The following MON2 variants were observed in gnomAD, a reference collection of about 807,000 sequenced individuals.
MON2 encodes protein MON2 homolog.
A neutral mutation model predicts 208.6 loss-of-function variants in MON2; 84 were observed. That is an observed-to-expected ratio of 0.40 (90% CI 0.34 to 0.48). The LOEUF (loss-of-function observed/expected upper bound fraction) is 0.48. MON2 is among the 20% of genes least tolerant of loss of function. The pLI is 0.59. For synonymous variants in MON2, 660 were observed against 694.0 expected (o/e 0.95, Z 0.77); for missense variants, 1,611 against 2,015.4 (o/e 0.80, Z 3.84).
chr12:62,506,809 A>T (rs2071125210), intron 7 of MON2, among the ~76,000 whole-genome samples: 1 of 151,922 alleles, frequency 6.6e-6, no homozygotes, highest in African/African-American at 2.4e-5. Context: ...TCTCTGTAAG[A>T]TGAAAGGATT....
At chr12:62,570,904 G>T (rs1305569109) in intron 29 of MON2, among the ~76,000 whole-genome samples, 1 of 151,272 alleles carries the variant, frequency 6.6e-6, no homozygotes. Context: ...GCTCATTTTT[G>T]TATTTTTAGT....
chr12:62,504,695 C>A (rs1358899433), intron 7 of MON2, among the ~76,000 whole-genome samples: 3 of 151,792 alleles, frequency 2.0e-5, no homozygotes, highest in Non-Finnish European at 4.4e-5. Context: ...TTTTTTAACT[C>A]ATCATTCACA....
Position 62,530,917 on chromosome 12 carries a change from C to G in MON2, c.1401-1521C>G, listed in dbSNP as rs146914509. On this transcript the variant is annotated intron_variant, in intron 11 of 34. Coordinates refer to ENST00000393630, the MANE Select transcript of MON2 (RefSeq NM_015026.3). ...AGCAATGCTTGTTAATCTTTTTTATCGTAGTCATCCCAGTGAGTATGAAAT... is the reference window on the plus strand; with the variant it reads ...AGCAATGCTTGTTAATCTTTTTTATGGTAGTCATCCCAGTGAGTATGAAAT... Among the ~76,000 whole-genome samples the G allele has an allele frequency of 4.4e-3, 668 of 152,256 alleles. 4 individuals are homozygous for G. Among genetic ancestry groups the G allele is most frequent in the African/African-American group, 0.012 (496 of 41,552 alleles).
chr12:62,500,181 T>C (rs1324648362), intron 5 of MON2, among the ~76,000 whole-genome samples: 2 of 152,198 alleles, frequency 1.3e-5, no homozygotes, highest in African/African-American at 4.8e-5. Flanking sequence ...TATAGTAAGG[T>C]AGAAATACTT....
At chr12:62,535,816 G>A (rs1325140480) in intron 14 of MON2, 107 bp downstream of exon 14, 4 of 594,266 alleles carry the variant, frequency 6.7e-6, no homozygotes, top group African/African-American at 2.2e-5. Context: ...CATACTGACT[G>A]TGTGACCTTG....
chr12:62,580,114 G>A (rs1455595365), intron 31 of MON2, among the ~76,000 whole-genome samples, 183 bp from the exon 32 acceptor site: 1 of 152,060 alleles, frequency 6.6e-6, no homozygotes, highest in African/African-American at 2.4e-5. Flanking sequence ...AAGTTACTAG[G>A]ACAGATGAGA....
At chr12:62,540,545 G>A (rs1393284072) in intron 19 of MON2, among the ~76,000 whole-genome samples, 1 of 152,134 alleles carries the variant, frequency 6.6e-6, no homozygotes, top group Admixed American at 6.5e-5. Context: ...AAAAATAGGA[G>A]ATTTGATGAT....
At chr12:62,570,728 T>TC in intron 29 of MON2, among the ~76,000 whole-genome samples, 1 of 127,628 alleles carries the variant, frequency 7.8e-6, no homozygotes, top group Admixed American at 7.6e-5. Flanking sequence ...TTTTCTTTTT[T>TC]TTTTTTTTTT....
chr12:62,514,197 C>G (rs774170178), intron 8 of MON2, among the ~76,000 whole-genome samples: 16 of 152,190 alleles, frequency 1.1e-4, no homozygotes, highest in Non-Finnish European at 2.1e-4. Flanking sequence ...CCATTCAAGT[C>G]TCTAGGAAGT....
chr12:62,544,349 A>C (rs1008325165), intron 20 of MON2, among the ~76,000 whole-genome samples: 4 of 152,054 alleles, frequency 2.6e-5, no homozygotes, highest in African/African-American at 9.7e-5. Context: ...GGGAGGCTGA[A>C]TGGGGAGAAT....
chr12:62,584,705 CA>C (rs1226172058), intron 32 of MON2, among the ~76,000 whole-genome samples: 10,250 of 70,842 alleles, frequency 0.14, 152 homozygotes, highest in Middle Eastern at 0.23. Flanking sequence ...TCTGTCTCAA[CA>C]AAAAAAAAAA....
intron 34 of MON2, among the ~76,000 whole-genome samples, chr12:62,590,935 G>A (rs1565721655): frequency 6.6e-6 from 1 of 152,200 alleles, no homozygotes; most frequent in South Asian, 2.1e-4. Flanking sequence ...AATTACAGGC[G>A]TGAGCCACCA....
intron 30 of MON2, among the ~76,000 whole-genome samples, chr12:62,577,204 C>G (rs772310742): frequency 5.3e-5 from 8 of 151,996 alleles, no homozygotes; most frequent in Non-Finnish European, 1.2e-4. Flanking sequence ...TTGTGAAATT[C>G]CTCTGATTGG....
At chr12:62,471,859 T>A (rs2068806412) in intron 1 of MON2, among the ~76,000 whole-genome samples, 1 of 152,198 alleles carries the variant, frequency 6.6e-6, no homozygotes, top group African/African-American at 2.4e-5. Context: ...CATTACCTTC[T>A]GACAGAGGAA....
rs764029806 is a variant in MON2 at position 62,580,316 on chromosome 12, A to G, written c.4595A>G (p.Asn1532Ser). 3 of 1,610,960 alleles carry G rather than the reference A, an allele frequency of 1.9e-6. No individual in the cohort carries two copies. In the African/African-American group the frequency reaches 4.0e-5, roughly 22 times the overall value. ...TTTTAGGTAGTTCAACTTATCAGCAATGAGATACTACCTTATGCCAATTTT... is the reference window on the plus strand; with the variant it reads ...TTTTAGGTAGTTCAACTTATCAGCAGTGAGATACTACCTTATGCCAATTTT... ...IDVEVVQLIS[N>S]EILPYANFIP... Residue 1532 changes from asparagine to serine, a missense_variant, in exon 32 of 35, where the codon AAT becomes AGT. Coordinates refer to ENST00000393630, the MANE Select transcript of MON2 (RefSeq NM_015026.3).
chr12:62,586,071 TCAGAGTTGGAGTACAGACCAG>T lies in MON2; in HGVS notation c.4907+571_4907+591del, dbSNP rs2075211991. On this transcript the variant is annotated intron_variant, in intron 33 of 34. Coordinates refer to ENST00000393630, the MANE Select transcript of MON2 (RefSeq NM_015026.3). Reference sequence around the variant, plus strand: ...GGCTTTTCTGATCAGCCAAGGCTAATCAGAGTTGGAGTACAGACCAGAATTCAACAAAGGATACAGTCATAA... The same window carrying T: ...GGCTTTTCTGATCAGCCAAGGCTAATAATTCAACAAAGGATACAGTCATAA... Among the ~76,000 whole-genome samples, 7 of 152,222 alleles carry T rather than the reference TCAGAGTTGGAGTACAGACCAG, an allele frequency of 4.6e-5. No individual in the cohort carries two copies. In the South Asian group the frequency reaches 1.5e-3, roughly 32 times the overall value.
intron 32 of MON2, 46 bp from the exon 33 acceptor site, chr12:62,585,248 C>A: frequency 7.0e-7 from 1 of 1,434,902 alleles, no homozygotes; most frequent in South Asian, 1.2e-5. Context: ...CATTAAAGCT[C>A]ATTGATTTAA....
chr12:62,501,006 A>C, intron 6 of MON2, 126 bp downstream of exon 6: 2 of 502,352 alleles, frequency 4.0e-6, no homozygotes, highest in Non-Finnish European at 3.5e-6. Flanking sequence ...GGTAGTATTA[A>C]GATAGTTCTA....
In MON2 at chr12:62,514,054, C is replaced by T. The variant is rs556375542; in HGVS notation, c.984+5574C>T. On this transcript the variant is annotated intron_variant, in intron 8 of 34. Transcript: ENST00000393630. Reference sequence around the variant, plus strand: ...ACAAATCTCTAGGGCAGGGGCAAAACGCTGCCAGTCCCTTTGCTAAAACAT... The same window carrying T: ...ACAAATCTCTAGGGCAGGGGCAAAATGCTGCCAGTCCCTTTGCTAAAACAT... 4.3e-4 allele frequency among the ~76,000 whole-genome samples: 54 copies of T among 124,322 alleles called. 3 individuals carry two copies. The highest frequency in any genetic ancestry group is 1.2e-3 in the African/African-American group (45 of 38,790). The allele number at this position is 124,322 out of a possible 152,430, so 81.6% of individuals were successfully genotyped here.
Sources: allele counts gnomAD v4.1 joint callset (sites outside exome capture counted in the v4.1 genomes callset), GRCh38; gene constraint gnomAD v4.1.1; transcripts MANE v1.5; gene names NCBI Gene and HGNC (gene_info 2026-07-23, HGNC 2026-07-21).